Variants in DAB1 observed in about 807,000 individuals in gnomAD.
DAB1 encodes disabled homolog 1.
Under a neutral mutation model 64.6 loss-of-function variants are expected in DAB1, and 15 were observed. The observed-to-expected ratio is 0.23, with a 90% CI of 0.16 to 0.36. The LOEUF (loss-of-function observed/expected upper bound fraction) is 0.36, where lower values mean the gene tolerates loss of function less well. Among genes scored for constraint, DAB1 ranks in the 10% least tolerant of loss-of-function variants. The pLI is 1.00. For missense variants in DAB1, 596 were observed against 706.7 expected (o/e 0.84, Z 1.78); for synonymous variants, 235 against 251.9 (o/e 0.93, Z 0.64).
intron 8 of DAB1, among the ~76,000 whole-genome samples, chr1:57,066,718 C>A (rs1650949235): frequency 6.6e-6 from 1 of 152,192 alleles, no homozygotes; most frequent in African/African-American, 2.4e-5. Flanking sequence ...GGAGGGGAAA[C>A]TCACGTTTAC....
At position 58,300,616 on chromosome 1, in the gene DAB1, G is replaced by GAAAGAAAGAA. The variant is rs1557726101; in HGVS notation, n.309+42735_309+42736insTTCTTTCTTT. Among the ~76,000 whole-genome samples the GAAAGAAAGAA allele has an allele frequency of 1.1e-4, 5 of 44,078 alleles. 1 individual carries two copies. Among genetic ancestry groups the GAAAGAAAGAA allele is most frequent in the African/African-American group, 3.7e-4 (5 of 13,628 alleles). The allele number at this position is 44,078 out of a possible 152,430, so 28.9% of individuals were successfully genotyped here. A position where few individuals can be genotyped will look rare whatever the true frequency, so the allele number is the denominator to read the frequency against. ...AGAAAGAAAGAAAGAAAGAAAGAGA[G>GAAAGAAAGAA]AGAGAGAGAGAGAGAGAGAGAGAGA... On this transcript the variant is annotated intron_variant and non_coding_transcript_variant, in intron 4 of 20. Transcript: ENST00000485760.
At chr1:57,343,542 G>A (rs1009997371) in intron 1 of DAB1, among the ~76,000 whole-genome samples, 4 of 152,242 alleles carry the variant, frequency 2.6e-5, no homozygotes, top group Admixed American at 1.3e-4. Context: ...AAGAGCCCAC[G>A]GAGGTCGGGG....
At chr1:57,154,169 G>A (rs61765333) in intron 2 of DAB1, among the ~76,000 whole-genome samples, 3,748 of 152,058 alleles carry the variant, frequency 0.025, 91 homozygotes, top group East Asian at 0.062. Context: ...TGTACCATTA[G>A]CCATCCCCAC....
chr1:57,412,975 A>T (rs1684225719), intron 1 of DAB1, among the ~76,000 whole-genome samples: 1 of 152,226 alleles, frequency 6.6e-6, no homozygotes, highest in Admixed American at 6.5e-5. Context: ...GCCTGATTTC[A>T]AAGCTTCAAA....
intron 3 of DAB1, among the ~76,000 whole-genome samples, chr1:58,379,008 A>C (rs1003855945): frequency 9.4e-5 from 14 of 148,338 alleles, no homozygotes; most frequent in African/African-American, 2.8e-4. Flanking sequence ...TGCGCTTCCC[A>C]GGTGAGGCAA....
At position 57,877,549 on chromosome 1, in the gene DAB1, T is replaced by A. The variant is rs796564220; in HGVS notation, n.87+6450A>T. ...TTTAAAAATCCTAATTGATTTATTT[T>A]TTTTTTTTTTTTTTTTTTTTTTGAG... On this transcript the variant is annotated intron_variant and non_coding_transcript_variant, in intron 1 of 1. Transcript: ENST00000477280. Among the ~76,000 whole-genome samples the A allele has an allele frequency of 4.0e-3, 208 of 52,654 alleles. 30 individuals are homozygous for A. Among genetic ancestry groups the A allele is most frequent in the South Asian group, 0.029 (52 of 1,804 alleles). The allele number at this position is 52,654 out of a possible 152,430, so 34.5% of individuals were successfully genotyped here. A position where few individuals can be genotyped will look rare whatever the true frequency, so the allele number is the denominator to read the frequency against.
intron 2 of DAB1, among the ~76,000 whole-genome samples, chr1:57,211,887 GTGT>G (rs1666036456): frequency 6.6e-6 from 1 of 152,178 alleles, no homozygotes; most frequent in Non-Finnish European, 1.5e-5. Context: ...TGCATAAGTT[GTGT>G]GTAAATACTG....
chr1:57,295,438 A>G (rs950418109), intron 1 of DAB1, among the ~76,000 whole-genome samples: 2 of 152,168 alleles, frequency 1.3e-5, no homozygotes, highest in African/African-American at 4.8e-5. Context: ...ATGATTCGAT[A>G]TCTTAGACTT....
chr1:58,425,887 C>T (rs969287178), intron 3 of DAB1, among the ~76,000 whole-genome samples: 5 of 151,360 alleles, frequency 3.3e-5, no homozygotes, highest in African/African-American at 9.7e-5. Flanking sequence ...GAGTGGGAGG[C>T]GAGAAATAAG....
intron 7 of DAB1, among the ~76,000 whole-genome samples, chr1:57,466,969 C>A (rs906852763): frequency 2.0e-5 from 3 of 152,158 alleles, no homozygotes; most frequent in African/African-American, 7.2e-5. Context: ...TTAGATGAGA[C>A]CCACCCAGAT....
chr1:58,080,670 G>C (rs1420508468), intron 5 of DAB1, among the ~76,000 whole-genome samples: 1 of 152,230 alleles, frequency 6.6e-6, no homozygotes, highest in Non-Finnish European at 1.5e-5. Flanking sequence ...AATTTTAGCA[G>C]AGCTAGTTTT....
chr1:58,430,480 G>A (rs993530711), intron 3 of DAB1, among the ~76,000 whole-genome samples: 5 of 152,114 alleles, frequency 3.3e-5, no homozygotes, highest in Admixed American at 6.5e-5. Context: ...AAGAAGAACT[G>A]GAAAGGCTGA....
chr1:58,458,345 A>T (rs1358498550), intron 3 of DAB1, among the ~76,000 whole-genome samples: 1 of 152,136 alleles, frequency 6.6e-6, no homozygotes, highest in East Asian at 1.9e-4. Flanking sequence ...CCCCTCAAAG[A>T]TCCTTTGGAG....
intron 5 of DAB1, among the ~76,000 whole-genome samples, chr1:57,945,634 T>C (rs921502429): frequency 1.1e-4 from 17 of 152,100 alleles, no homozygotes; most frequent in Admixed American, 3.9e-4. Flanking sequence ...TCTTTCACTC[T>C]CAGGAATTCT....
At chr1:57,168,899 T>A (rs1330600146) in intron 2 of DAB1, among the ~76,000 whole-genome samples, 1 of 151,742 alleles carries the variant, frequency 6.6e-6, no homozygotes, top group Admixed American at 6.6e-5. Flanking sequence ...CTACAAAAAA[T>A]TTAAAAAATT....
intron 2 of DAB1, among the ~76,000 whole-genome samples, chr1:58,526,524 C>T (rs1254632521): frequency 2.7e-5 from 4 of 149,834 alleles, no homozygotes; most frequent in African/African-American, 9.9e-5. Context: ...AAATAGCTGC[C>T]AGGTGCCCTG....
chr1:57,973,874 CAT>C (rs1310299618), intron 5 of DAB1, among the ~76,000 whole-genome samples: 2 of 152,130 alleles, frequency 1.3e-5, no homozygotes, highest in Non-Finnish European at 2.9e-5. Flanking sequence ...TAATACCCAG[CAT>C]AGTCTTTCAA....
At chr1:58,198,307 A>G (rs1557692102) in intron 4 of DAB1, among the ~76,000 whole-genome samples, 1 of 152,250 alleles carries the variant, frequency 6.6e-6, no homozygotes, top group Non-Finnish European at 1.5e-5. Flanking sequence ...AAAGAGTATT[A>G]AGGTGTAAAG....
At chr1:58,074,906 C>T (rs1381506073) in intron 5 of DAB1, among the ~76,000 whole-genome samples, 2 of 152,042 alleles carry the variant, frequency 1.3e-5, no homozygotes, top group African/African-American at 4.8e-5. Context: ...CTCACTCTGT[C>T]CCCCGGGAGC....
Sources: allele counts gnomAD v4.1 joint callset (sites outside exome capture counted in the v4.1 genomes callset), GRCh38; gene constraint gnomAD v4.1.1; transcripts MANE v1.5; gene names NCBI Gene and HGNC (gene_info 2026-07-23, HGNC 2026-07-21).